PELI2: variants seen among roughly 807,000 people sequenced by gnomAD.
PELI2 encodes the protein pellino E3 ubiquitin protein ligase family member 2, also known as E3 ubiquitin-protein ligase pellino homolog 2.
In PELI2, 23 loss-of-function variants were observed where a neutral mutation model predicts 42.3. The ratio of observed to expected loss-of-function variants is 0.54; its 90% CI spans 0.39 to 0.77. The LOEUF (loss-of-function observed/expected upper bound fraction) is 0.77, where lower values mean the gene tolerates loss of function less well. PELI2 is among the 30% of genes least tolerant of loss of function. The probability of loss-of-function intolerance (pLI) is 0.00; values close to 1 mark genes in which losing one functional copy is unlikely to be tolerated. For missense variants in PELI2, 463 were observed against 553.2 expected (o/e 0.84, Z 1.64); for synonymous variants, 245 against 212.2 (o/e 1.15, Z -1.34).
intron 1 of PELI2, among the ~76,000 whole-genome samples, chr14:56,139,027 G>C (rs1883797181): frequency 6.6e-6 from 1 of 152,226 alleles, no homozygotes. Flanking sequence ...GGGTACTGGA[G>C]GGATTTTCAG....
At chr14:56,226,278 C>T (rs1430508886) in intron 2 of PELI2, among the ~76,000 whole-genome samples, 1 of 152,198 alleles carries the variant, frequency 6.6e-6, no homozygotes, top group East Asian at 1.9e-4. Flanking sequence ...GGCTGCTTCT[C>T]CATTCCTTCC....
chr14:56,175,949 C>T (rs1885362558), intron 1 of PELI2, among the ~76,000 whole-genome samples: 1 of 152,210 alleles, frequency 6.6e-6, no homozygotes, highest in Non-Finnish European at 1.5e-5. Context: ...CCATATAACA[C>T]TTTATGACAT....
intron 2 of PELI2, among the ~76,000 whole-genome samples, chr14:56,193,067 A>G (rs191288014): frequency 2.5e-4 from 38 of 152,358 alleles, no homozygotes; most frequent in Non-Finnish European, 5.9e-5. Flanking sequence ...GCTGCTTAGC[A>G]GAAACCATTG....
At chr14:56,236,092 T>C (rs1361526652) in intron 2 of PELI2, among the ~76,000 whole-genome samples, 1 of 152,208 alleles carries the variant, frequency 6.6e-6, no homozygotes, top group Non-Finnish European at 1.5e-5. Context: ...TAAAAAATTT[T>C]TGTTTTGATT....
intron 2 of PELI2, among the ~76,000 whole-genome samples, chr14:56,265,178 C>T (rs1888850705): frequency 6.6e-6 from 1 of 152,026 alleles, no homozygotes; most frequent in Non-Finnish European, 1.5e-5. Flanking sequence ...CTAAAATTGC[C>T]AAAACTGCTT....
intron 2 of PELI2, among the ~76,000 whole-genome samples, chr14:56,277,328 G>A (rs1364589285): frequency 6.6e-6 from 1 of 152,046 alleles, no homozygotes; most frequent in South Asian, 2.1e-4. Context: ...ATAGGAGCAC[G>A]AACCCTATTG....
At chr14:56,148,460 A>T (rs242406) in intron 1 of PELI2, among the ~76,000 whole-genome samples, 11,411 of 152,204 alleles carry the variant, frequency 0.075, 788 homozygotes, top group East Asian at 0.29. Flanking sequence ...CTGTGTTCTC[A>T]TGTACAGCCT....
intron 2 of PELI2, among the ~76,000 whole-genome samples, chr14:56,234,718 T>C (rs1244686375): frequency 2.0e-5 from 3 of 151,872 alleles, no homozygotes; most frequent in Admixed American, 1.3e-4. Context: ...AGCTGCACAT[T>C]GTGCACATGT....
At chr14:56,184,906 A>G (rs1885715120) in intron 2 of PELI2, among the ~76,000 whole-genome samples, 1 of 152,122 alleles carries the variant, frequency 6.6e-6, no homozygotes, top group South Asian at 2.1e-4. Flanking sequence ...AATTTGTAAC[A>G]ATTAACAGAT....
intron 2 of PELI2, among the ~76,000 whole-genome samples, chr14:56,225,537 A>G (rs374915828): frequency 6.6e-6 from 1 of 152,166 alleles, no homozygotes; most frequent in African/African-American, 2.4e-5. Flanking sequence ...CACATTTTCA[A>G]GTGAGGTCCT....
At chr14:56,151,449 G>A (rs1386574096) in intron 1 of PELI2, among the ~76,000 whole-genome samples, 2 of 152,214 alleles carry the variant, frequency 1.3e-5, no homozygotes, top group African/African-American at 4.8e-5. Flanking sequence ...CTTATTGTAA[G>A]TGTTGCAGAT....
intron 1 of PELI2, among the ~76,000 whole-genome samples, chr14:56,172,955 T>G (rs1039735406): frequency 6.6e-6 from 1 of 152,214 alleles, no homozygotes; most frequent in African/African-American, 2.4e-5. Context: ...AAGGGCTGTT[T>G]CCTTAAATAG....
intron 2 of PELI2, among the ~76,000 whole-genome samples, chr14:56,184,732 C>T (rs1249484633): frequency 6.6e-6 from 1 of 151,920 alleles, no homozygotes; most frequent in Non-Finnish European, 1.5e-5. Context: ...TTACTATGAG[C>T]AGTATTATGT....
At chr14:56,118,780 G>GGA (rs1882947125) in intron 1 of PELI2, 43 bp downstream of exon 1, 1 of 1,330,808 alleles carries the variant, frequency 7.5e-7, no homozygotes, top group Non-Finnish European at 1.0e-6. Context: ...GCGCGGGCGG[G>GGA]GAGCGCCCGC....
At chr14:56,265,233 C>CT (rs1316776299) in intron 2 of PELI2, among the ~76,000 whole-genome samples, 1 of 152,042 alleles carries the variant, frequency 6.6e-6, no homozygotes, top group Non-Finnish European at 1.5e-5. Context: ...GACTTCAAGA[C>CT]TTTATTTTAA....
In PELI2 at chr14:56,299,153, C is replaced by G. The variant is rs1890100173; in HGVS notation, c.*1987C>G. ...TGAAGGATTCTTGATGCCCTAAAAC[C>G]ATCTTGTAAGCTAAATGGTCTTGCA... On this transcript the variant is annotated 3_prime_UTR_variant, in exon 6 of 6. Transcript: ENST00000267460. 1 of 152,084 alleles carries G rather than the reference C, an allele frequency of 6.6e-6. No homozygotes were observed. The highest frequency in any genetic ancestry group is 6.5e-5 in the Admixed American group (1 of 15,268). 9.4% of individuals were successfully genotyped at this position (152,084 alleles called of 1,614,324 possible).
intron 1 of PELI2, among the ~76,000 whole-genome samples, chr14:56,164,808 C>G (rs1884891943): frequency 6.6e-6 from 1 of 151,946 alleles, no homozygotes. Flanking sequence ...TCTAGATTTT[C>G]TAATTTATTG....
chr14:56,266,051 A>G (rs1342920570), intron 2 of PELI2, among the ~76,000 whole-genome samples: 1 of 152,078 alleles, frequency 6.6e-6, no homozygotes, highest in Non-Finnish European at 1.5e-5. Flanking sequence ...AAAGCAGTGA[A>G]CTGTTGATAC....
intron 2 of PELI2, among the ~76,000 whole-genome samples, chr14:56,230,864 T>C (rs1400799011): frequency 2.6e-5 from 4 of 152,144 alleles, no homozygotes; most frequent in Non-Finnish European, 5.9e-5. Context: ...CCATCTCACG[T>C]GCAGAGACAC....
Sources: gnomAD v4.1 joint callset for allele counts (sites outside exome capture counted in the v4.1 genomes callset) on GRCh38, gnomAD v4.1.1 for gene constraint, MANE v1.5 for transcripts, NCBI Gene and HGNC (gene_info 2026-07-23, HGNC 2026-07-21) for gene names.